The following DOCK4 variants were observed in gnomAD, a reference collection of about 807,000 sequenced individuals.
DOCK4 encodes dedicator of cytokinesis protein 4.
A neutral mutation model predicts 268.1 loss-of-function variants in DOCK4; 97 were observed. That is an observed-to-expected ratio of 0.36 (90% CI 0.31 to 0.43). The LOEUF is 0.43. Ranked by LOEUF, DOCK4 falls within the 20% of genes least tolerant of loss-of-function variation. The pLI is 1.00. For synonymous variants in DOCK4, 954 were observed against 887.2 expected (o/e 1.08, Z -1.34); for missense variants, 2,145 against 2,455.7 (o/e 0.87, Z 2.67).
chr7:111,815,283 C>T (rs1225874030), intron 27 of DOCK4, among the ~76,000 whole-genome samples: 2 of 152,140 alleles, frequency 1.3e-5, no homozygotes, highest in Non-Finnish European at 2.9e-5. Flanking sequence ...ACATTCAGCC[C>T]AAGCCATCAA....
At chr7:111,951,487 C>G (rs1289401372) in intron 8 of DOCK4, among the ~76,000 whole-genome samples, 1 of 151,974 alleles carries the variant, frequency 6.6e-6, no homozygotes, top group African/African-American at 2.4e-5. Flanking sequence ...ATGCAACCCT[C>G]TCTTTGAAAG....
intron 18 of DOCK4, 55 bp downstream of exon 18, chr7:111,872,412 A>G: frequency 7.8e-6 from 12 of 1,530,244 alleles, no homozygotes; most frequent in Non-Finnish European, 9.7e-6. Context: ...TTTCCTCCAA[A>G]TGTTCTTTAT....
At chr7:112,033,877 G>C (rs1803501399) in intron 1 of DOCK4, among the ~76,000 whole-genome samples, 1 of 152,190 alleles carries the variant, frequency 6.6e-6, no homozygotes, top group African/African-American at 2.4e-5. Context: ...ATGTTTCCGT[G>C]TGAAATATAG....
intron 23 of DOCK4, among the ~76,000 whole-genome samples, chr7:111,854,936 G>A (rs1804880035): frequency 6.6e-6 from 1 of 152,188 alleles, no homozygotes; most frequent in Admixed American, 6.5e-5. Context: ...GATTCAAGAA[G>A]CAAAACACAG....
At chr7:112,093,358 C>G (rs1052299717) in intron 1 of DOCK4, among the ~76,000 whole-genome samples, 2 of 152,046 alleles carry the variant, frequency 1.3e-5, no homozygotes, top group Non-Finnish European at 2.9e-5. Flanking sequence ...ATTATTTAAG[C>G]TAGTCTACAA....
chr7:112,073,984 A>C (rs1336426005), intron 1 of DOCK4, among the ~76,000 whole-genome samples: 1 of 152,182 alleles, frequency 6.6e-6, no homozygotes, highest in Non-Finnish European at 1.5e-5. Flanking sequence ...TACACGAATC[A>C]AAATATCACT....
intron 8 of DOCK4, among the ~76,000 whole-genome samples, chr7:111,946,166 T>C (rs1447114426): frequency 1.3e-5 from 2 of 152,260 alleles, no homozygotes; most frequent in Non-Finnish European, 2.9e-5. Context: ...TTCTTTTTCA[T>C]GTTTTATGTC....
intron 21 of DOCK4, 135 bp downstream of exon 21, chr7:111,869,439 T>C (rs769924164): frequency 5.0e-6 from 4 of 794,880 alleles, no homozygotes; most frequent in Non-Finnish European, 8.3e-6. Context: ...AGTCACAAAC[T>C]GATTAAGATC....
chr7:112,056,384 T>C (rs1435659796), intron 1 of DOCK4, among the ~76,000 whole-genome samples: 1 of 152,142 alleles, frequency 6.6e-6, no homozygotes, highest in Non-Finnish European at 1.5e-5. Flanking sequence ...CTATACAAAA[T>C]AGATAACAGA....
At chr7:112,025,266 A>G (rs1272411508) in intron 1 of DOCK4, among the ~76,000 whole-genome samples, 1 of 152,142 alleles carries the variant, frequency 6.6e-6, no homozygotes, top group Non-Finnish European at 1.5e-5. Context: ...TGAGTTCTCT[A>G]AGCTCTCACT....
chr7:111,891,078 G>A (rs1372341022), intron 16 of DOCK4, among the ~76,000 whole-genome samples: 1 of 151,934 alleles, frequency 6.6e-6, no homozygotes, highest in South Asian at 2.1e-4. Flanking sequence ...TTACTGTCAA[G>A]ATTATATGAC....
chr7:112,052,938 T>G (rs1805489310), intron 1 of DOCK4, among the ~76,000 whole-genome samples: 1 of 152,192 alleles, frequency 6.6e-6, no homozygotes, highest in Non-Finnish European at 1.5e-5. Flanking sequence ...CCAATATGAT[T>G]CCAGTTTGTA....
At chr7:111,974,491 G>GGTGT (rs1562952095) in intron 8 of DOCK4, among the ~76,000 whole-genome samples, 9 of 90,440 alleles carry the variant, frequency 1.0e-4, no homozygotes, top group Admixed American at 5.0e-4. Flanking sequence ...ATTGAAGAGG[G>GGTGT]ATGTGTGTGT....
At chr7:111,932,121 T>G (rs1414339744) in intron 12 of DOCK4, among the ~76,000 whole-genome samples, 1 of 152,212 alleles carries the variant, frequency 6.6e-6, no homozygotes, top group Non-Finnish European at 1.5e-5. Context: ...CAATTGGGTA[T>G]GACCTCAGAG....
At position 111,728,097 on chromosome 7, in the gene DOCK4, C is replaced by T. The variant is rs951057591; in HGVS notation, c.*177G>A. On this transcript the variant is annotated 3_prime_UTR_variant, in exon 53 of 53. Coordinates refer to ENST00000428084, the MANE Select transcript of DOCK4 (RefSeq NM_001363540.2). ...CAGCCATACTTCATTTAACATCTGG[C>T]GTTTTAGATCAGCAACTTTTAATAT... The T allele has an allele frequency of 1.8e-5, 8 of 453,416 alleles. No homozygotes were observed. Among genetic ancestry groups the T allele is most frequent in the African/African-American group, 4.0e-5 (2 of 49,508 alleles). The allele number at this position is 453,416 out of a possible 1,614,324, so 28.1% of individuals were successfully genotyped here. A position where few individuals can be genotyped will look rare whatever the true frequency, so the allele number is the denominator to read the frequency against.
At chr7:112,064,959 C>T (rs1480681965) in intron 1 of DOCK4, among the ~76,000 whole-genome samples, 1 of 152,162 alleles carries the variant, frequency 6.6e-6, no homozygotes, top group Non-Finnish European at 1.5e-5. Flanking sequence ...CCTGCTGGCA[C>T]TTTGATCTTG....
At chr7:112,051,605 G>A (rs1194976597) in intron 1 of DOCK4, among the ~76,000 whole-genome samples, 1 of 151,714 alleles carries the variant, frequency 6.6e-6, no homozygotes, top group East Asian at 1.9e-4. Context: ...TAGGTCAGGA[G>A]ATCAGAAAAA....
intron 1 of DOCK4, among the ~76,000 whole-genome samples, chr7:112,020,428 C>A (rs1465212729): frequency 6.6e-6 from 1 of 152,124 alleles, no homozygotes; most frequent in Non-Finnish European, 1.5e-5. Flanking sequence ...CTAAACAAAA[C>A]AAGTATCAGT....
intron 19 of DOCK4, 39 bp from the exon 20 acceptor site, chr7:111,872,129 A>T: frequency 1.3e-6 from 2 of 1,482,952 alleles, no homozygotes; most frequent in Non-Finnish European, 9.0e-7. Flanking sequence ...ACTAAATGCA[A>T]ATCAAGGTTT....
Sources: gnomAD v4.1 joint callset for allele counts (sites outside exome capture counted in the v4.1 genomes callset) on GRCh38, gnomAD v4.1.1 for gene constraint, MANE v1.5 for transcripts, NCBI Gene and HGNC (gene_info 2026-07-23, HGNC 2026-07-21) for gene names.